USP4: variants seen among roughly 807,000 people sequenced by gnomAD.
The protein encoded by USP4 is ubiquitin carboxyl-terminal hydrolase 4.
Under a neutral mutation model 118.2 loss-of-function variants are expected in USP4, and 72 were observed. The observed-to-expected ratio is 0.61, with a 90% CI of 0.50 to 0.74. The LOEUF is 0.74. USP4 is among the 30% of genes least tolerant of loss of function. USP4 has a pLI of 0.00. For missense variants in USP4, 1,037 were observed against 1,185.7 expected, an observed-to-expected ratio of 0.87 and a Z score of 1.84; for synonymous variants, 415 against 440.4, an observed-to-expected ratio of 0.94 and a Z score of 0.72.
rs2047720779 is a variant in USP4, at chr3:49,339,930, G to C, written c.95C>G (p.Ala32Gly). 1 of 1,612,074 alleles carries C rather than the reference G, an allele frequency of 6.2e-7. No individual in the cohort carries two copies. Among genetic ancestry groups the C allele is most frequent in the Non-Finnish European group, 8.5e-7 (1 of 1,179,312 alleles). Residue 32 changes from alanine (A) to glycine (G), a missense_variant, in exon 1 of 22, where the codon GCG becomes GGG. Physicochemically the swap from Ala to Gly is moderately conservative, Grantham distance 60. Coordinates refer to ENST00000265560, the MANE Select transcript of USP4 (RefSeq NM_003363.4). ...PLMRTTLQRG[A>G]QWYLIDSRWF... The stretch of plus-strand genomic sequence containing the variant: ...GAGCGAGCCGGGAGCTCACCACTGC[G>C]CCCCGCGTTGGAGTGTGGTCCTCAT...
chr3:49,289,455 C>T (rs1385309565), intron 15 of USP4, among the ~76,000 whole-genome samples: 1 of 152,210 alleles, frequency 6.6e-6, no homozygotes, highest in Non-Finnish European at 1.5e-5. Flanking sequence ...CCACAGATCA[C>T]CCAGGGGCTG....
rs548531296 is a variant in USP4, at chr3:49,311,182, T to C, written c.836+332A>G. On this transcript the variant is annotated intron_variant, in intron 7 of 21. Coordinates refer to ENST00000265560, the MANE Select transcript of USP4 (RefSeq NM_003363.4). ...ATGCCTGGAGAAAGGATCACGGCCA[T>C]CCACAGCTGAGCACTGTCCCTTCAC... Among the ~76,000 whole-genome samples the C allele has an allele frequency of 8.6e-4, 131 of 151,908 alleles. 2 individuals carry two copies. The East Asian group carries it at 0.024, about 27-fold the overall frequency.
At chr3:49,331,038 G>A (rs868413516) in intron 2 of USP4, among the ~76,000 whole-genome samples, 8 of 151,508 alleles carry the variant, frequency 5.3e-5, no homozygotes, top group Middle Eastern at 3.5e-3. Context: ...AAAATATTGG[G>A]AGGCCGGGCG....
intron 9 of USP4, among the ~76,000 whole-genome samples, chr3:49,303,454 A>AT (rs933029695): frequency 1.3e-5 from 2 of 151,210 alleles, no homozygotes; most frequent in African/African-American, 4.9e-5. Context: ...AAAAAAAAAA[A>AT]AAAAAAAAAA....
chr3:49,302,407 C>A lies in USP4; in HGVS notation c.1264G>T (p.Asp422Tyr), dbSNP rs752431418. 5.6e-6 allele frequency: 9 copies of A among 1,613,796 alleles called. No individual in the cohort carries two copies. Among genetic ancestry groups the A allele is most frequent in the Non-Finnish European group, 7.6e-6 (9 of 1,179,930 alleles). ...ACCGCATCTGGCCGCCCATTGGCAT[C>A]CTTCAGCTCCAAGTAGGGCTTTTTC... Reference protein sequence around the residue: ...VKKKPYLELKDANGRPDAVVA... With the variant: ...VKKKPYLELKYANGRPDAVVA... Residue 422 changes from aspartate to tyrosine, a missense_variant, in exon 10 of 22, where the codon GAT becomes TAT. This residue lies in a region of USP4 where 487 missense variants were observed against 534.1 expected (regional missense o/e 0.91). Coordinates refer to ENST00000265560, the MANE Select transcript of USP4 (RefSeq NM_003363.4).
In USP4 at chr3:49,278,284, G is replaced by C. The variant is rs772714809; in HGVS notation, c.*9C>G. Reference sequence around the variant, plus strand: ...GGCGCTACAGGGTGGCAGGATCGTGGAGTCAGCATTAGTTGGTGTCCATGC... The same window carrying C: ...GGCGCTACAGGGTGGCAGGATCGTGCAGTCAGCATTAGTTGGTGTCCATGC... On this transcript the variant is annotated 3_prime_UTR_variant, in exon 22 of 22. Coordinates refer to ENST00000265560, the MANE Select transcript of USP4 (RefSeq NM_003363.4). 6.2e-7 allele frequency: 1 copy of C among 1,612,410 alleles called. No individual in the cohort carries two copies. The highest frequency in any genetic ancestry group is 8.5e-7 in the Non-Finnish European group (1 of 1,179,630).
chr3:49,313,049 C>T (rs1575613148), intron 6 of USP4, among the ~76,000 whole-genome samples: 1 of 151,400 alleles, frequency 6.6e-6, no homozygotes, highest in African/African-American at 2.4e-5. Context: ...TGCCACCACA[C>T]CCAGCTAATT....
intron 8 of USP4, among the ~76,000 whole-genome samples, chr3:49,309,421 G>T (rs2047356691): frequency 1.3e-5 from 2 of 151,840 alleles, no homozygotes; most frequent in Admixed American, 6.6e-5. Context: ...AATAAACAAG[G>T]TTTATTTTCT....
chr3:49,315,875 G>A (rs931941639), intron 6 of USP4, among the ~76,000 whole-genome samples: 12 of 152,106 alleles, frequency 7.9e-5, no homozygotes, highest in Non-Finnish European at 1.6e-4. Flanking sequence ...ATGTTCTCCA[G>A]ACTGAATGCT....
At chr3:49,278,484 G>A (rs1381981533) in intron 21 of USP4, 33 bp from the exon 22 acceptor site, 2 of 1,600,348 alleles carry the variant, frequency 1.2e-6, no homozygotes, top group Non-Finnish European at 1.7e-6. Context: ...ACCATTCAGT[G>A]CTTGGAAAAA....
chr3:49,304,864 A>C (rs2047296612), intron 9 of USP4, among the ~76,000 whole-genome samples: 1 of 148,496 alleles, frequency 6.7e-6, no homozygotes, highest in Non-Finnish European at 1.5e-5. Flanking sequence ...CCCAGGTTCA[A>C]GCAATTCTCC....
chr3:49,302,396 C>T lies in USP4; in HGVS notation c.1275G>A (p.Gly425=). The T allele has an allele frequency of 6.2e-7, 1 of 1,613,700 alleles. No individual in the cohort carries two copies. Among genetic ancestry groups the T allele is most frequent in the Non-Finnish European group, 8.5e-7 (1 of 1,179,912 alleles). ...ATTAATGGCATACCGCATCTGGCCG[C>T]CCATTGGCATCCTTCAGCTCCAAGT... is the stretch of plus-strand genomic sequence containing the variant. ...KPYLELKDAN[G]RPDAVVAKEA... is the part of the protein sequence containing the mutation. The change falls in exon 10 of 22, where the codon GGG becomes GGA. Residue 425 remains glycine (G), a synonymous_variant. Transcript: ENST00000265560.
At chr3:49,296,445 T>G (rs1029064004) in intron 13 of USP4, among the ~76,000 whole-genome samples, 7 of 151,754 alleles carry the variant, frequency 4.6e-5, no homozygotes, top group African/African-American at 1.7e-4. Flanking sequence ...GTCAGGAGAT[T>G]GAGACCATCC....
At chr3:49,298,010 C>G in intron 12 of USP4, 46 bp from the exon 13 acceptor site, 2 of 1,233,922 alleles carry the variant, frequency 1.6e-6, no homozygotes, top group South Asian at 2.4e-5. Context: ...GCTAAGAGTG[C>G]CCCTACTAAC....
chr3:49,324,219 G>C (rs972191803), intron 6 of USP4, among the ~76,000 whole-genome samples: 1 of 151,990 alleles, frequency 6.6e-6, no homozygotes, highest in Non-Finnish European at 1.5e-5. Context: ...GGCTGGGCTC[G>C]AACTCCTGGC....
chr3:49,324,792 G>T, intron 5 of USP4, 29 bp from the exon 6 acceptor site: 1 of 1,613,826 alleles, frequency 6.2e-7, no homozygotes, highest in Non-Finnish European at 8.5e-7. Context: ...CAAATGAGGA[G>T]AGTTCAAACC....
rs1206640329 is a variant in USP4 at position 49,277,437 on chromosome 3, A to G, written c.*856T>C. 3.5e-6 allele frequency: 1 copy of G among 282,994 alleles called. No individual in the cohort carries two copies. Among genetic ancestry groups the G allele is most frequent in the Non-Finnish European group, 7.1e-6 (1 of 140,676 alleles). The allele number at this position is 282,994 out of a possible 1,614,324, so 17.5% of individuals were successfully genotyped here. On this transcript the variant is annotated 3_prime_UTR_variant, in exon 22 of 22. Coordinates refer to ENST00000265560, the MANE Select transcript of USP4 (RefSeq NM_003363.4). The stretch of plus-strand genomic sequence containing the variant: ...ACCCGTTCTAGAAAGCATCTGGGTA[A>G]CACCAAAATGTATTACTACCCTAAA...
rs2047071169 is a variant in USP4 at position 49,284,316 on chromosome 3, C to T, written c.2390+150G>A. ...ATGGGGTGACGGCTTTCCTTGGAAACCTCAACTCACAGAGGATTATGTTGT... is the reference window on the plus strand; with the variant it reads ...ATGGGGTGACGGCTTTCCTTGGAAATCTCAACTCACAGAGGATTATGTTGT... On this transcript the variant is annotated intron_variant, in intron 18 of 21. Coordinates refer to ENST00000265560, the MANE Select transcript of USP4 (RefSeq NM_003363.4). 2.9e-6 allele frequency: 3 copies of T among 1,034,740 alleles called. No homozygotes were observed. In the African/African-American group the frequency reaches 4.8e-5, roughly 17 times the overall value. The allele number at this position is 1,034,740 out of a possible 1,614,324, so 64.1% of individuals were successfully genotyped here.
At chr3:49,302,810 T>G (rs1213885100) in intron 9 of USP4, among the ~76,000 whole-genome samples, 2 of 152,128 alleles carry the variant, frequency 1.3e-5, no homozygotes, top group Non-Finnish European at 2.9e-5. Flanking sequence ...GTACCCTGAG[T>G]AACCACACCC....
Sources: allele counts gnomAD v4.1 joint callset (sites outside exome capture counted in the v4.1 genomes callset), GRCh38; gene constraint gnomAD v4.1.1; regional missense constraint gnomAD v4.1.1; transcripts MANE v1.5; gene names NCBI Gene and HGNC (gene_info 2026-07-23, HGNC 2026-07-21).